CIMAP2: variants seen among roughly 807,000 people sequenced by gnomAD.
The protein encoded by CIMAP2 is ciliary microtubule associated protein 2.
At chr1:54,831,910 A>G in the CIMAP2 span, among the ~76,000 whole-genome samples, 1 of 152,252 alleles carries the variant, frequency 6.6e-6, no homozygotes, top group African/African-American at 2.4e-5. Context: ...GCAGTGGCAC[A>G]ATCACAGCTC....
the CIMAP2 span, chr1:54,817,162 G>T: frequency 6.2e-7 from 1 of 1,610,434 alleles, no homozygotes; most frequent in Non-Finnish European, 8.5e-7. Flanking sequence ...GGCGAGGGCG[G>T]TGGGGGGTCT....
the CIMAP2 span, among the ~76,000 whole-genome samples, chr1:54,819,689 ACCTGTGTGT>A: frequency 6.6e-6 from 1 of 151,878 alleles, no homozygotes; most frequent in Non-Finnish European, 1.5e-5. Context: ...TTTTGAAGAT[ACCTGTGTGT>A]CCCATTCCTA....
the CIMAP2 span, chr1:54,811,720 G>GCACAC: frequency 1.1e-4 from 163 of 1,420,038 alleles, 1 homozygote; most frequent in Non-Finnish European, 1.3e-4. Context: ...GCAATCTCAG[G>GCACAC]TGTCTGTTCC....
At chr1:54,819,868 TC>T in the CIMAP2 span, among the ~76,000 whole-genome samples, 2 of 109,386 alleles carry the variant, frequency 1.8e-5, no homozygotes, top group Non-Finnish European at 2.0e-5. Context: ...TTCCTTCCTC[TC>T]TTTCTTCCTT....
At chr1:54,811,765 G>GGGGGGGGGGGGCC in the CIMAP2 span, 2 of 1,301,332 alleles carry the variant, frequency 1.5e-6, no homozygotes, top group Non-Finnish European at 2.2e-6. Context: ...GGTTCTGACA[G>GGGGGGGGGGGGCC]CCTCCATGCC....
chr1:54,834,734 C>A, the CIMAP2 span, among the ~76,000 whole-genome samples: 1 of 152,152 alleles, frequency 6.6e-6, no homozygotes, highest in African/African-American at 2.4e-5. Context: ...TAATTTTCTA[C>A]AATATTTTAA....
the CIMAP2 span, among the ~76,000 whole-genome samples, chr1:54,839,913 C>T: frequency 6.6e-6 from 1 of 152,096 alleles, no homozygotes; most frequent in East Asian, 1.9e-4. Context: ...CTACACCCAG[C>T]TAATTTTTAA....
chr1:54,812,454 T>C, the CIMAP2 span, among the ~76,000 whole-genome samples: 8 of 152,248 alleles, frequency 5.3e-5, no homozygotes, highest in Non-Finnish European at 8.8e-5. Flanking sequence ...CTCTCTCCTC[T>C]GCACTGGCAT....
chr1:54,835,064 G>A, the CIMAP2 span, among the ~76,000 whole-genome samples: 1 of 152,190 alleles, frequency 6.6e-6, no homozygotes, highest in African/African-American at 2.4e-5. Flanking sequence ...AGTATTTGAA[G>A]CTAAAAGGCA....
At chr1:54,819,919 C>T in the CIMAP2 span, among the ~76,000 whole-genome samples, 1 of 100,964 alleles carries the variant, frequency 9.9e-6, no homozygotes, top group Middle Eastern at 6.8e-3. Flanking sequence ...TCTTCCCTCC[C>T]TCCCCCCCAT....
chr1:54,829,382 C>T, the CIMAP2 span, among the ~76,000 whole-genome samples: 6 of 152,158 alleles, frequency 3.9e-5, no homozygotes, highest in African/African-American at 7.2e-5. Flanking sequence ...CCAGCAGGTC[C>T]CTGTGGGTGT....
chr1:54,819,834 C>T, the CIMAP2 span, among the ~76,000 whole-genome samples: 1 of 95,362 alleles, frequency 1.0e-5, no homozygotes, highest in Non-Finnish European at 1.8e-5. Context: ...CTCTTTCTTT[C>T]TTTCTCTTTC....
the CIMAP2 span, among the ~76,000 whole-genome samples, chr1:54,809,613 A>C: frequency 1.3e-5 from 2 of 152,216 alleles, no homozygotes; most frequent in Non-Finnish European, 2.9e-5. Context: ...ACCAACTGGC[A>C]GAAGTAGGCT....
At chr1:54,815,000 G>T in the CIMAP2 span, 1 of 1,614,068 alleles carries the variant, frequency 6.2e-7, no homozygotes, top group Non-Finnish European at 8.5e-7. Flanking sequence ...CCTCCAAGGG[G>T]TCAGGTGCAA....
the CIMAP2 span, among the ~76,000 whole-genome samples, chr1:54,816,476 A>G: frequency 6.6e-6 from 1 of 151,952 alleles, no homozygotes; most frequent in East Asian, 1.9e-4. Flanking sequence ...TTCCCTTCCT[A>G]GGGCTGCCAC....
the CIMAP2 span, among the ~76,000 whole-genome samples, chr1:54,819,836 TTC>T: frequency 1.3e-3 from 126 of 98,796 alleles, 1 homozygote; most frequent in African/African-American, 6.5e-3. Context: ...CTTTCTTTCT[TTC>T]TCTTTCTTTC....
At chr1:54,841,980 C>A in the CIMAP2 span, 2 of 1,172,332 alleles carry the variant, frequency 1.7e-6, no homozygotes, top group Non-Finnish European at 2.5e-6. Context: ...AGAGAAAGGA[C>A]ACATGGGCTT....
At chr1:54,811,766 C>CGGGGGGGGGGGGGGGGGG in the CIMAP2 span, 1 of 1,305,190 alleles carries the variant, frequency 7.7e-7, no homozygotes, top group Non-Finnish European at 1.1e-6. Context: ...GTTCTGACAG[C>CGGGGGGGGGGGGGGGGGG]CTCCATGCCC....
chr1:54,830,131 C>G, the CIMAP2 span, among the ~76,000 whole-genome samples: 1 of 152,126 alleles, frequency 6.6e-6, no homozygotes. The surrounding 1 kb of genome is among the most constrained non-coding windows in gnomAD (Gnocchi z 4.1). Context: ...TGTCCAAGCT[C>G]TAGGATCTAA....
Sources: gnomAD v4.1 joint callset for allele counts (sites outside exome capture counted in the v4.1 genomes callset) on GRCh38, gnomAD v4.1.1 for gene constraint, Gnocchi (gnomAD v3.1) non-coding constraint, MANE v1.5 for transcripts, NCBI Gene and HGNC (gene_info 2026-07-23, HGNC 2026-07-21) for gene names.